PMS1: variants seen among roughly 807,000 people sequenced by gnomAD.
PMS1 encodes PMS1 protein homolog 1.
Under a neutral mutation model 93.1 loss-of-function variants are expected in PMS1, and 79 were observed. That is an observed-to-expected ratio of 0.85 (90% CI 0.71 to 1.02). The LOEUF (loss-of-function observed/expected upper bound fraction) is 1.02, where lower values mean the gene tolerates loss of function less well. PMS1 is among the 50% of genes least tolerant of loss of function. PMS1 has a pLI of 0.00. For missense variants in PMS1, 1,064 were observed against 1,085.3 expected, an observed-to-expected ratio of 0.98 and a Z score of 0.28; for synonymous variants, 335 against 363.4, an observed-to-expected ratio of 0.92 and a Z score of 0.89.
At chr2:189,819,805 T>C (rs2051669396) in intron 5 of PMS1, among the ~76,000 whole-genome samples, 1 of 152,214 alleles carries the variant, frequency 6.6e-6, no homozygotes, top group Admixed American at 6.5e-5. Context: ...TTTTCTCCTA[T>C]TCTGCAGGCT....
chr2:189,875,048 C>T (rs1023498720), intron 12 of PMS1, among the ~76,000 whole-genome samples: 3 of 151,268 alleles, frequency 2.0e-5, no homozygotes, highest in African/African-American at 4.9e-5. Context: ...AAAGAGAGAA[C>T]TTAAACCACG....
intron 2 of PMS1, among the ~76,000 whole-genome samples, chr2:189,793,075 G>A (rs1455245764): frequency 6.6e-6 from 1 of 152,184 alleles, no homozygotes; most frequent in Non-Finnish European, 1.5e-5. Context: ...CTCCCAAAGT[G>A]TTGGGATTAC....
At chr2:189,872,411 C>T (rs1239801583) in intron 11 of PMS1, among the ~76,000 whole-genome samples, 2 of 152,094 alleles carry the variant, frequency 1.3e-5, no homozygotes, top group African/African-American at 2.4e-5. Flanking sequence ...ATAGCTACTA[C>T]TTATCCAAGA....
At chr2:189,798,136 C>CT (rs2049527647) in intron 3 of PMS1, among the ~76,000 whole-genome samples, 2 of 152,184 alleles carry the variant, frequency 1.3e-5, no homozygotes, top group Non-Finnish European at 2.9e-5. Flanking sequence ...TGACTGGGAG[C>CT]TGTGGGTCAC....
At chr2:189,856,646 T>C (rs770279461) in intron 9 of PMS1, among the ~76,000 whole-genome samples, 4 of 152,120 alleles carry the variant, frequency 2.6e-5, no homozygotes, top group African/African-American at 4.8e-5. Flanking sequence ...AAAAGTTGAA[T>C]TGCATTGCCC....
chr2:189,843,550 C>G (rs1211210869), intron 5 of PMS1, among the ~76,000 whole-genome samples: 1 of 152,162 alleles, frequency 6.6e-6, no homozygotes, highest in African/African-American at 2.4e-5. Context: ...AACAGTAATA[C>G]CTTACTTGAA....
Position 189,793,044 on chromosome 2 carries a change from A to T in PMS1, c.132+1103A>T, listed in dbSNP as rs551553250. ...AGTCTGGTCTTGAACTCCTGACCTC[A>T]GGTGATCCGCCCACCTCGGCCTCCC... On this transcript the variant is annotated intron_variant, in intron 2 of 12. Coordinates refer to ENST00000441310, the MANE Select transcript of PMS1 (RefSeq NM_000534.5). Among the ~76,000 whole-genome samples, 17 of 152,244 alleles carry T rather than the reference A, an allele frequency of 1.1e-4. No individual in the cohort carries two copies. In the South Asian group the frequency reaches 3.5e-3, roughly 32 times the overall value.
At chr2:189,833,292 T>C (rs1211307634) in intron 5 of PMS1, among the ~76,000 whole-genome samples, 3 of 152,178 alleles carry the variant, frequency 2.0e-5, no homozygotes, top group African/African-American at 7.2e-5. Flanking sequence ...ATAGTTAATA[T>C]AAGAAGTAAA....
chr2:189,803,350 C>T (rs755562047), intron 3 of PMS1, among the ~76,000 whole-genome samples: 1 of 152,044 alleles, frequency 6.6e-6, no homozygotes, highest in Non-Finnish European at 1.5e-5. Context: ...AATGATACTG[C>T]GATTTCTTGA....
At chr2:189,811,105 A>G (rs974711646) in intron 4 of PMS1, among the ~76,000 whole-genome samples, 4 of 151,856 alleles carry the variant, frequency 2.6e-5, no homozygotes, top group African/African-American at 9.7e-5. Flanking sequence ...AACAAAAAGT[A>G]CTATGAAGAA....
Position 189,854,284 on chromosome 2 carries a change from G to A in PMS1, c.1012G>A (p.Gly338Arg), listed in dbSNP as rs1459082771. 6.3e-7 allele frequency: 1 copy of A among 1,597,652 alleles called. No individual in the cohort carries two copies. Residue 338 changes from glycine to arginine, a missense_variant, in exon 9 of 13, where the codon GGA becomes AGA. By Grantham distance (125) the Gly-to-Arg change is moderately radical. Coordinates refer to ENST00000441310, the MANE Select transcript of PMS1 (RefSeq NM_000534.5). ...TGAAAATCTGATGACGACTTGTTAT[G>A]GACCATTACCTAGTACAAATTCTTA... ...ALENLMTTCY[G>R]PLPSTNSYEN...
At chr2:189,869,936 T>C (rs1216658451) in intron 11 of PMS1, among the ~76,000 whole-genome samples, 1 of 152,152 alleles carries the variant, frequency 6.6e-6, no homozygotes, top group Non-Finnish European at 1.5e-5. Flanking sequence ...TAAGTTTATA[T>C]CTCACAGATG....
intron 10 of PMS1, among the ~76,000 whole-genome samples, chr2:189,866,589 G>A (rs1467475353): frequency 6.6e-6 from 1 of 152,048 alleles, no homozygotes; most frequent in Non-Finnish European, 1.5e-5. Flanking sequence ...ACCTCTAAGT[G>A]GAATAATTTA....
chr2:189,837,711 A>T (rs1184880957), intron 5 of PMS1, among the ~76,000 whole-genome samples: 1 of 152,220 alleles, frequency 6.6e-6, no homozygotes, highest in African/African-American at 2.4e-5. Context: ...ATGAAAACAT[A>T]TGCCAACATA....
chr2:189,845,149 C>T (rs756771014), intron 6 of PMS1, among the ~76,000 whole-genome samples: 5 of 152,168 alleles, frequency 3.3e-5, no homozygotes, highest in Non-Finnish European at 5.9e-5. Flanking sequence ...TGAGCCACCA[C>T]GCCCAGCCTC....
chr2:189,794,265 A>C (rs2049147907), intron 2 of PMS1, among the ~76,000 whole-genome samples: 1 of 152,018 alleles, frequency 6.6e-6, no homozygotes, highest in South Asian at 2.1e-4. Flanking sequence ...GGTGTGTGCC[A>C]CCATGCCCGG....
At chr2:189,864,663 AAAAAAAAAAAAAAAAAAAAAAAAAAT>A (rs1184024849) in intron 10 of PMS1, among the ~76,000 whole-genome samples, 1 of 24,558 alleles carries the variant, frequency 4.1e-5, no homozygotes, top group Non-Finnish European at 7.3e-5. Context: ...CTCAGAAAAA[AAAAAAAAAAAAAAAAAAAAAAAAAAT>A]ATATATATAT....
At chr2:189,873,716 C>T (rs1343222991) in intron 12 of PMS1, 60 bp downstream of exon 12, 7 of 1,271,584 alleles carry the variant, frequency 5.5e-6, no homozygotes, top group Admixed American at 5.3e-5. Flanking sequence ...CGGGCCAAGC[C>T]GGTTAGGAAC....
intron 11 of PMS1, among the ~76,000 whole-genome samples, chr2:189,869,895 A>G (rs1484926342): frequency 6.6e-6 from 1 of 151,960 alleles, no homozygotes; most frequent in Non-Finnish European, 1.5e-5. Context: ...CTGCCACTCA[A>G]TTCCAAGAGC....
Sources: allele counts gnomAD v4.1 joint callset (sites outside exome capture counted in the v4.1 genomes callset), GRCh38; gene constraint gnomAD v4.1.1; transcripts MANE v1.5; gene names NCBI Gene and HGNC (gene_info 2026-07-23, HGNC 2026-07-21).